Variants in BAIAP3 observed in about 807,000 individuals in gnomAD.
BAIAP3 encodes the protein BAI1 associated protein 3, also known as BAI1-associated protein 3.
Under a neutral mutation model 149.7 loss-of-function variants are expected in BAIAP3, and 180 were observed. That is an observed-to-expected ratio of 1.20 (90% confidence interval 1.07 to 1.36). The LOEUF (loss-of-function observed/expected upper bound fraction) is 1.36, where lower values mean the gene tolerates loss of function less well. Ranked by LOEUF, BAIAP3 falls within the 40% of genes most tolerant of loss-of-function variation. The pLI is 0.00. For synonymous variants in BAIAP3, 845 were observed against 670.7 expected (o/e 1.26, Z -4.02); for missense variants, 1,767 against 1,563.4 (o/e 1.13, Z -2.20).
chr16:1,347,426 G>A (rs1236811697), intron 29 of BAIAP3, 57 bp downstream of exon 29: 2 of 1,598,968 alleles, frequency 1.3e-6, no homozygotes, highest in African/African-American at 2.7e-5. Context: ...AGTTCAAACT[G>A]CAGCCCCACA....
chr16:1,347,094 C>T lies in BAIAP3; in HGVS notation c.2751+139C>T, dbSNP rs956297995. 2.3e-5 allele frequency: 21 copies of T among 908,048 alleles called. 1 individual carries two copies. The highest frequency in any genetic ancestry group is 3.0e-4 in the Middle Eastern group (1 of 3,280). The allele number at this position is 908,048 out of a possible 1,614,324, so 56.2% of individuals were successfully genotyped here. A position where few individuals can be genotyped will look rare whatever the true frequency, so the allele number is the denominator to read the frequency against. Reference sequence around the variant, plus strand: ...CAGGGCTGTCCACAGCGCCTCCTCCCGTTAATGCCGAGGTGTGGCCTCTGG... The same window carrying T: ...CAGGGCTGTCCACAGCGCCTCCTCCTGTTAATGCCGAGGTGTGGCCTCTGG... On this transcript the variant is annotated intron_variant, in intron 28 of 33. Coordinates refer to ENST00000426824, the MANE Select transcript of BAIAP3 (RefSeq NM_001199097.2).
chr16:1,347,934 G>A lies in BAIAP3; in HGVS notation c.3066G>A (p.Pro1022=), dbSNP rs143470802. ...TTGTGATCGTGGAGCTGGGCCCACC[G>A]CATCTCTTTCCACTGGTCCGCAGCC... is the stretch of plus-strand genomic sequence containing the variant. The part of the protein sequence containing the change: ...DPFVIVELGP[P]HLFPLVRSQR... The change falls in exon 32 of 34, where the codon CCG becomes CCA. Residue 1022 remains proline (P), a synonymous_variant. Coordinates refer to ENST00000426824, the MANE Select transcript of BAIAP3 (RefSeq NM_001199097.2). 129 of 1,611,842 alleles carry A rather than the reference G, an allele frequency of 8.0e-5. No homozygotes were observed. Among genetic ancestry groups the A allele is most frequent in the South Asian group, 4.7e-4 (43 of 91,094 alleles).
intron 9 of BAIAP3, 41 bp downstream of exon 9, chr16:1,341,907 C>T (rs374633457): frequency 1.1e-5 from 17 of 1,601,296 alleles, no homozygotes; most frequent in Non-Finnish European, 1.4e-5. Flanking sequence ...GGGATGCACA[C>T]CTTTTGCGGG....
intron 5 of BAIAP3, among the ~76,000 whole-genome samples, chr16:1,340,257 G>A (rs1256121370): frequency 1.0e-5 from 1 of 98,264 alleles, no homozygotes; most frequent in African/African-American, 4.0e-5. Context: ...AGACGCATAC[G>A]CACACAGGCT....
rs904913973 is a variant in BAIAP3, at chr16:1,346,680, A to G, written c.2638A>G (p.Ser880Gly). The change falls in exon 27 of 34, where the codon AGC becomes GGC. Residue 880 changes from serine (S) to glycine (G), a missense_variant. Physicochemically the swap from Ser to Gly is moderately conservative, Grantham distance 56. Transcript: ENST00000426824. Reference protein sequence around the residue: ...LNASLVKGNLSRVLEALWELL... With the variant: ...LNASLVKGNLGRVLEALWELL... ...CGCCTCGCTGGTGAAGGGGAACCTGAGCAGGTGCGGGCGGGTGGGGTGGGA... is the reference window on the plus strand; with the variant it reads ...CGCCTCGCTGGTGAAGGGGAACCTGGGCAGGTGCGGGCGGGTGGGGTGGGA... 3.6e-6 allele frequency: 2 copies of G among 560,034 alleles called. No individual in the cohort carries two copies. Among genetic ancestry groups the G allele is most frequent in the South Asian group, 1.5e-5 (1 of 65,566 alleles). The allele number at this position is 560,034 out of a possible 1,614,324, so 34.7% of individuals were successfully genotyped here.
rs757336508 is a variant in BAIAP3, at chr16:1,347,763, G to C, written c.2967G>C (p.Glu989Asp). 1.9e-6 allele frequency: 3 copies of C among 1,609,594 alleles called. No homozygotes were observed. The highest frequency in any genetic ancestry group is 1.7e-6 in the Non-Finnish European group (2 of 1,177,480). Residue 989 changes from glutamate to aspartate, a missense_variant, in exon 31 of 34, where the codon GAG becomes GAC. Glu to Asp is a conservative substitution (Grantham distance 45). Coordinates refer to ENST00000426824, the MANE Select transcript of BAIAP3 (RefSeq NM_001199097.2). ...LSVRCHYEAA[E>D]QRLAVEVLHA... The stretch of plus-strand genomic sequence containing the variant: ...TCCGTTGCCATTACGAGGCGGCTGA[G>C]CAGCGGCTGGCCGTGGAGGTGCTGC...
chr16:1,338,657 G>T lies in BAIAP3; in HGVS notation c.108G>T (p.Pro36=), dbSNP rs376294259. 3.0e-5 allele frequency: 48 copies of T among 1,586,914 alleles called. No homozygotes were observed. Among genetic ancestry groups the T allele is most frequent in the Non-Finnish European group, 3.6e-5 (42 of 1,168,584 alleles). The change falls in exon 2 of 34, where the codon CCG becomes CCT. Residue 36 remains proline, a synonymous_variant. Coordinates refer to ENST00000426824, the MANE Select transcript of BAIAP3 (RefSeq NM_001199097.2). ...ACCCAGGGAGTGCCAGCGCCGACCC[G>T]CAGGAGCCTGCCACGGGGGCCTGGT... ...EQDPGSASAD[P]QEPATGAWKP...
At position 1,333,679 on chromosome 16, in the gene BAIAP3, TGCCTCGGC is replaced by T. The variant is rs1359621705; in HGVS notation, c.-79_-72del. The T allele has an allele frequency of 5.3e-5, 8 of 151,628 alleles. No homozygotes were observed. Among genetic ancestry groups the T allele is most frequent in the African/African-American group, 1.4e-4 (6 of 41,384 alleles). The allele number at this position is 151,628 out of a possible 1,614,324, so 9.4% of individuals were successfully genotyped here. On this transcript the variant is annotated 5_prime_UTR_variant, in exon 1 of 34. Coordinates refer to ENST00000426824, the MANE Select transcript of BAIAP3 (RefSeq NM_001199097.2). ...CGCGCGCGGCTGGGAGCGGTAGCTG[TGCCTCGGC>T]GTCCCCGAGCTGGTGCCGAGCGCAG... is the stretch of plus-strand genomic sequence containing the variant.
intron 4 of BAIAP3, 32 bp downstream of exon 4, chr16:1,339,276 G>C: frequency 6.5e-7 from 1 of 1,547,930 alleles, no homozygotes; most frequent in South Asian, 1.2e-5. Context: ...AGGGGCAGTC[G>C]TCTGCAGCGG....
chr16:1,337,171 C>T (rs2033509858), intron 1 of BAIAP3, among the ~76,000 whole-genome samples: 1 of 152,278 alleles, frequency 6.6e-6, no homozygotes. Flanking sequence ...AGCCATCATC[C>T]TACCCCTGTT....
At chr16:1,343,167 G>T in intron 14 of BAIAP3, 151 bp downstream of exon 14, 1 of 1,088,986 alleles carries the variant, frequency 9.2e-7, no homozygotes, top group Non-Finnish European at 1.3e-6. Flanking sequence ...CTGATTGGGC[G>T]GGAAGGGAAG....
rs2034187296 is a variant in BAIAP3 at position 1,344,662 on chromosome 16, A to G, written c.1721A>G (p.Gln574Arg). 2 of 1,613,390 alleles carry G rather than the reference A, an allele frequency of 1.2e-6. No homozygotes were observed. The highest frequency in any genetic ancestry group is 1.7e-6 in the Non-Finnish European group (2 of 1,180,004). ...GCTGACGCCGTCTATGATGACCTTC[A>G]GTTCTGCTACAGTGTGTACGCCAGC... ...VLADAVYDDL[Q>R]FCYSVYASLF... Residue 574 changes from glutamine (Q) to arginine (R), a missense_variant, in exon 19 of 34, where the codon CAG becomes CGG. Physicochemically the swap from Gln to Arg is conservative, Grantham distance 43. Coordinates refer to ENST00000426824, the MANE Select transcript of BAIAP3 (RefSeq NM_001199097.2).
Position 1,348,300 on chromosome 16 carries a change from G to A in BAIAP3, c.3354G>A (p.Gln1118=), listed in dbSNP as rs1238599413. ...VTLHLCRPRA[Q]VRSALRRLEG... is the part of the protein sequence containing the mutation. ...TGCACCTGTGCCGGCCCAGAGCCCA[G>A]GGTGAGTGAGCATCTGGGTGGAGGC... The change falls in exon 33 of 34, where the codon CAG becomes CAA. Residue 1118 remains glutamine (Q), a splice_region_variant and synonymous_variant. Coordinates refer to ENST00000426824, the MANE Select transcript of BAIAP3 (RefSeq NM_001199097.2). 4 of 1,601,524 alleles carry A rather than the reference G, an allele frequency of 2.5e-6. No homozygotes were observed. Among genetic ancestry groups the A allele is most frequent in the African/African-American group, 2.7e-5 (2 of 74,762 alleles).
rs1132356 is a variant in BAIAP3 at position 1,344,506 on chromosome 16, A to C, written c.1640A>C (p.Asp547Ala). The change falls in exon 18 of 34, where the codon GAC (aspartate) becomes GCC (alanine). Residue 547 changes from aspartate (D) to alanine (A), a missense_variant. Physicochemically the swap from Asp to Ala is moderately radical, Grantham distance 126. Coordinates refer to ENST00000426824, the MANE Select transcript of BAIAP3 (RefSeq NM_001199097.2). The stretch of plus-strand genomic sequence containing the variant: ...GAGTGGTACGACAGGATCCTGAATG[A>C]CAAGAGTCCCCGAGAGCAGGTGCAG... ...NREWYDRILN[D>A]KSPREQPGPQ... The C allele has an allele frequency of 0.9, 1,453,322 of 1,613,020 alleles. 655,542 individuals are homozygous for C. Among genetic ancestry groups the C allele is most frequent in the East Asian group, 1 (44,848 of 44,862 alleles).
chr16:1,345,507 C>A (rs1461569138), intron 22 of BAIAP3, 135 bp downstream of exon 22: 7 of 1,064,584 alleles, frequency 6.6e-6, no homozygotes, highest in African/African-American at 5.9e-5. Context: ...ACCCCAGCCT[C>A]CCCGGCCTCC....
rs954119029 is a variant in BAIAP3, at chr16:1,348,588, C to T, written c.*106C>T. On this transcript the variant is annotated 3_prime_UTR_variant, in exon 34 of 34. Transcript: ENST00000426824. ...TGCAACCAGGGCCCACGGCGCCCCT[C>T]CTGTGCTGTGACGTGTGTGTCGTGG... The T allele has an allele frequency of 2.6e-6, 3 of 1,135,494 alleles. No homozygotes were observed. The highest frequency in any genetic ancestry group is 3.1e-5 in the African/African-American group (2 of 65,156). 70.3% of individuals were successfully genotyped at this position (1,135,494 alleles called of 1,614,324 possible). A position where few individuals can be genotyped will look rare whatever the true frequency, so the allele number is the denominator to read the frequency against.
chr16:1,335,894 C>T (rs2033419053), intron 1 of BAIAP3, among the ~76,000 whole-genome samples: 2 of 152,172 alleles, frequency 1.3e-5, no homozygotes, highest in South Asian at 2.1e-4. Context: ...GGACCTTGGG[C>T]GGGCTCCCAG....
intron 32 of BAIAP3, 32 bp from the exon 33 acceptor site, chr16:1,348,064 G>A (rs778399575): frequency 3.5e-5 from 52 of 1,476,056 alleles, no homozygotes; most frequent in Non-Finnish European, 4.5e-5. Context: ...CAGGCTGCCG[G>A]AGCGAGACTC....
intron 24 of BAIAP3, 37 bp from the exon 25 acceptor site, chr16:1,346,133 C>G (rs754335300): frequency 1.9e-6 from 3 of 1,606,946 alleles, no homozygotes; most frequent in Non-Finnish European, 2.5e-6. Context: ...CATCACCAGG[C>G]CCCGGACCCA....
Sources: allele counts gnomAD v4.1 joint callset (sites outside exome capture counted in the v4.1 genomes callset), GRCh38; gene constraint gnomAD v4.1.1; transcripts MANE v1.5; gene names NCBI Gene and HGNC (gene_info 2026-07-23, HGNC 2026-07-21).